The following TNFRSF8 variants were observed in gnomAD, a reference collection of about 807,000 sequenced individuals.
The protein encoded by TNFRSF8 is TNF receptor superfamily member 8.
Under a neutral mutation model 70.8 loss-of-function variants are expected in TNFRSF8, and 26 were observed. The ratio of observed to expected loss-of-function variants is 0.37; its 90% CI spans 0.27 to 0.51. The LOEUF (loss-of-function observed/expected upper bound fraction) is 0.51, where lower values mean the gene tolerates loss of function less well. Among genes scored for constraint, TNFRSF8 ranks in the 20% least tolerant of loss-of-function variants. The pLI is 0.94. For synonymous variants in TNFRSF8, 356 were observed against 339.2 expected, an observed-to-expected ratio of 1.05 and a Z score of -0.54; for missense variants, 720 against 807.9, an observed-to-expected ratio of 0.89 and a Z score of 1.32.
At chr1:12,106,524 C>G (rs1157930057) in intron 4 of TNFRSF8, among the ~76,000 whole-genome samples, 1 of 152,172 alleles carries the variant, frequency 6.6e-6, no homozygotes, top group East Asian at 1.9e-4. Flanking sequence ...GACCATGCCC[C>G]TGGTGTCCAT....
chr1:12,122,119 C>T (rs1641839948), intron 8 of TNFRSF8, among the ~76,000 whole-genome samples: 1 of 152,096 alleles, frequency 6.6e-6, no homozygotes, highest in Non-Finnish European at 1.5e-5. Flanking sequence ...TGAGAATGTT[C>T]TGTATTTTGA....
chr1:12,123,711 G>A lies in TNFRSF8; in HGVS notation c.1041-4G>A, dbSNP rs372306901. The stretch of plus-strand genomic sequence containing the variant: ...TCACTCCTGCCTTGGGCTTCTCCCC[G>A]CAGCACCAGCCCCACTCAGAGCTTG... On this transcript the variant is annotated splice_region_variant and splice_polypyrimidine_tract_variant and intron_variant, in intron 9 of 14. Transcript: ENST00000263932. 71 of 1,557,232 alleles carry A rather than the reference G, an allele frequency of 4.6e-5. No homozygotes were observed. The East Asian group carries it at 6.0e-4, about 13-fold the overall frequency.
intron 2 of TNFRSF8, among the ~76,000 whole-genome samples, chr1:12,090,413 C>A (rs2100976844): frequency 6.6e-6 from 1 of 151,886 alleles, no homozygotes; most frequent in South Asian, 2.1e-4. Context: ...ATCCATCTAC[C>A]CATCTACCCA....
chr1:12,142,300 C>T lies in TNFRSF8; in HGVS notation c.1557C>T (p.Ile519=). Residue 519 remains isoleucine (I), a synonymous_variant, in exon 15 of 15, where the codon ATC becomes ATT. Transcript: ENST00000263932. This position sits in a 1 kb window ranked among gnomAD's most constrained non-coding sequence, Gnocchi z 5.0. ...TTTGCCTTGCAGAGAAAATCTACATCATGAAGGCTGACACCGTGATCGTGG... is the reference window on the plus strand; with the variant it reads ...TTTGCCTTGCAGAGAAAATCTACATTATGAAGGCTGACACCGTGATCGTGG... ...HTNNKIEKIY[I]MKADTVIVGT... is the part of the protein sequence containing the mutation. The T allele has an allele frequency of 6.3e-7, 1 of 1,596,254 alleles. No individual in the cohort carries two copies. Among genetic ancestry groups the T allele is most frequent in the Non-Finnish European group, 8.5e-7 (1 of 1,170,412 alleles).
intron 3 of TNFRSF8, among the ~76,000 whole-genome samples, chr1:12,103,321 C>G (rs1641457259): frequency 6.6e-6 from 1 of 151,774 alleles, no homozygotes; most frequent in African/African-American, 2.4e-5. Flanking sequence ...CGCCATTGCA[C>G]TCCAACCTGG....
chr1:12,104,437 A>G lies in TNFRSF8; in HGVS notation c.327A>G (p.Arg109=), dbSNP rs11569851. 733 of 1,613,674 alleles carry G rather than the reference A, an allele frequency of 4.5e-4. 4 individuals are homozygous for G. In the African/African-American group the frequency reaches 9.0e-3, roughly 20 times the overall value. ...ACTCCTCCCGTGTCTGCGAATGTCG[A>G]CCCGGCATGTTCTGTTCCACGTCTG... ...AWNSSRVCEC[R]PGMFCSTSAV... The change falls in exon 4 of 15, where the codon CGA becomes CGG. Residue 109 remains arginine (R), a synonymous_variant. Transcript: ENST00000263932.
chr1:12,114,721 TTTA>T (rs1641697320), intron 7 of TNFRSF8, among the ~76,000 whole-genome samples: 1 of 126,674 alleles, frequency 7.9e-6, no homozygotes, highest in Non-Finnish European at 1.6e-5. Context: ...TTTTTTTTTT[TTTA>T]AATAGACAGA....
intron 10 of TNFRSF8, among the ~76,000 whole-genome samples, chr1:12,125,222 A>C (rs1290301684): frequency 2.6e-5 from 4 of 152,198 alleles, no homozygotes. Flanking sequence ...GATCTCTGTA[A>C]GTGACAAAAG....
At position 12,086,183 on chromosome 1, in the gene TNFRSF8, C is replaced by G. The variant is rs551162680; in HGVS notation, c.151+1632C>G. On this transcript the variant is annotated intron_variant, in intron 2 of 14. Coordinates refer to ENST00000263932, the MANE Select transcript of TNFRSF8 (RefSeq NM_001243.5). ...GGTCAGTCAGTTCCTAGACTTGTGG[C>G]CTCAACTCCCCCATGAGATGCAGAC... Among the ~76,000 whole-genome samples the G allele has an allele frequency of 5.3e-5, 8 of 152,272 alleles. No homozygotes were observed. In the South Asian group the frequency reaches 1.7e-3, roughly 32 times the overall value.
chr1:12,103,534 A>G (rs9887818), intron 3 of TNFRSF8, among the ~76,000 whole-genome samples: 41,796 of 151,898 alleles, frequency 0.28, 5,956 homozygotes, highest in South Asian at 0.38. Context: ...CAGTGGTGCA[A>G]TCACAGCTCA....
At chr1:12,107,319 C>T (rs917203184) in intron 4 of TNFRSF8, among the ~76,000 whole-genome samples, 4 of 151,882 alleles carry the variant, frequency 2.6e-5, no homozygotes, top group South Asian at 4.2e-4. Context: ...TGCTTGAATC[C>T]GGGAGGTGGA....
At chr1:12,116,475 T>TG (rs2101015321) in intron 8 of TNFRSF8, among the ~76,000 whole-genome samples, 1 of 152,246 alleles carries the variant, frequency 6.6e-6, no homozygotes, top group South Asian at 2.1e-4. Context: ...AATCTCCAGG[T>TG]GGTTTAAAAC....
rs1642250814 is a variant in TNFRSF8 at position 12,141,355 on chromosome 1, C to A, written c.1544-932C>A. 6.6e-6 allele frequency among the ~76,000 whole-genome samples: 1 copy of A among 152,192 alleles called. No individual in the cohort carries two copies. Among genetic ancestry groups the A allele is most frequent in the African/African-American group, 2.4e-5 (1 of 41,462 alleles). On this transcript the variant is annotated intron_variant, in intron 14 of 14. Transcript: ENST00000263932. The surrounding 1 kb of genome is among the most constrained non-coding windows in gnomAD (Gnocchi z 5.4). Reference sequence around the variant, plus strand: ...GCTGGGCGGAGGCCAGGCTTCCCCACTCCCCAGCTCCTCGGGCCACTGAAC... The same window carrying A: ...GCTGGGCGGAGGCCAGGCTTCCCCAATCCCCAGCTCCTCGGGCCACTGAAC...
chr1:12,093,086 G>A (rs143679790), intron 2 of TNFRSF8, among the ~76,000 whole-genome samples: 1,578 of 152,234 alleles, frequency 0.01, 26 homozygotes, highest in African/African-American at 0.036. Context: ...GATTGCAAGC[G>A]TGAGCCACCG....
intron 3 of TNFRSF8, among the ~76,000 whole-genome samples, chr1:12,099,214 AAT>A (rs139194079): frequency 0.014 from 2,121 of 152,064 alleles, 59 homozygotes; most frequent in African/African-American, 0.048. Context: ...GCAGTGGTGC[AAT>A]CTCGGCTCAC....
intron 1 of TNFRSF8, among the ~76,000 whole-genome samples, chr1:12,065,899 T>C (rs1434041503): frequency 6.6e-6 from 1 of 152,174 alleles, no homozygotes; most frequent in East Asian, 1.9e-4. Flanking sequence ...GATTCTTTCC[T>C]AGACAAGAGA....
intron 1 of TNFRSF8, among the ~76,000 whole-genome samples, chr1:12,072,931 C>T (rs756336877): frequency 1.7e-4 from 26 of 152,318 alleles, no homozygotes; most frequent in Admixed American, 4.6e-4. Context: ...TCTCTCCAAA[C>T]GGTCTGGGGG....
intron 8 of TNFRSF8, 116 bp from the exon 9 acceptor site, chr1:12,123,168 G>C: frequency 1.2e-6 from 1 of 811,210 alleles, no homozygotes; most frequent in Non-Finnish European, 2.0e-6. Context: ...AAATCTGACT[G>C]TCTTAGCTCC....
chr1:12,142,671 C>A lies in TNFRSF8; in HGVS notation c.*140C>A. The A allele has an allele frequency of 8.4e-7, 1 of 1,186,148 alleles. No individual in the cohort carries two copies. Among genetic ancestry groups the A allele is most frequent in the Non-Finnish European group, 1.2e-6 (1 of 866,232 alleles). 73.5% of individuals were successfully genotyped at this position (1,186,148 alleles called of 1,614,324 possible). On this transcript the variant is annotated 3_prime_UTR_variant, in exon 15 of 15. Transcript: ENST00000263932. The surrounding 1 kb of genome is among the most constrained non-coding windows in gnomAD (Gnocchi z 5.0). The stretch of plus-strand genomic sequence containing the variant: ...AGCATCTAGTGGTGGACCGGCCGGT[C>A]ACTGCAGGGGTCTGGTGGTCTCTGC...
Sources: allele counts gnomAD v4.1 joint callset (sites outside exome capture counted in the v4.1 genomes callset), GRCh38; gene constraint gnomAD v4.1.1; non-coding constraint Gnocchi (gnomAD v3.1); transcripts MANE v1.5; gene names NCBI Gene and HGNC (gene_info 2026-07-23, HGNC 2026-07-21).